Variants in SET observed in about 807,000 individuals in gnomAD.
SET encodes protein SET.
SET carries 4 observed loss-of-function variants against 39.0 expected under a neutral mutation model. That is an observed-to-expected ratio of 0.10 (90% CI 0.05 to 0.23). The LOEUF is 0.23. Ranked by LOEUF, SET falls within the 10% of genes least tolerant of loss-of-function variation. SET has a pLI of 1.00. For missense variants in SET, 137 were observed against 329.7 expected (o/e 0.42, Z 4.53); for synonymous variants, 114 against 115.9 (o/e 0.98, Z 0.11).
intron 1 of SET, chr9:128,690,957 T>G (rs1437700442): frequency 1.6e-6 from 1 of 616,818 alleles, no homozygotes; most frequent in African/African-American, 1.9e-5. Flanking sequence ...AAAACCAATT[T>G]CTGAGTAAAC....
rs1394107968 is a variant in SET at position 128,689,427 on chromosome 9, C to T, written c.-156C>T. The T allele has an allele frequency of 3.9e-6, 2 of 510,442 alleles. No homozygotes were observed. The highest frequency in any genetic ancestry group is 5.8e-5 in the Admixed American group (1 of 17,366). The allele number at this position is 510,442 out of a possible 1,614,324, so 31.6% of individuals were successfully genotyped here. On this transcript the variant is annotated 5_prime_UTR_variant, in exon 1 of 8. Transcript: ENST00000322030. ...AGGCCGCGAGGGTAGCGCGCGCGAG[C>T]GAGCGAGGGGGAGGGAGAGCGAGCG...
At chr9:128,690,008 C>A in intron 1 of SET, 1 of 1,022,684 alleles carries the variant, frequency 9.8e-7, no homozygotes, top group Non-Finnish European at 1.2e-6. Context: ...CTCCCATCAG[C>A]CGCCGCCGCC....
Position 128,695,368 on chromosome 9 carries a change from G to A in SET, c.*704G>A. 4.4e-6 allele frequency: 1 copy of A among 225,152 alleles called. No homozygotes were observed. Among genetic ancestry groups the A allele is most frequent in the Non-Finnish European group, 9.2e-6 (1 of 108,560 alleles). The allele number at this position is 225,152 out of a possible 1,614,324, so 13.9% of individuals were successfully genotyped here. ...CTGCCACTCAATGGGAGAATCAGCA[G>A]AACCTGTAGGATCTTATTTGGAATT... is the stretch of plus-strand genomic sequence containing the variant. On this transcript the variant is annotated 3_prime_UTR_variant, in exon 8 of 8. Coordinates refer to ENST00000322030, the MANE Select transcript of SET (RefSeq NM_003011.4).
intron 1 of SET, 27 bp from the exon 2 acceptor site, chr9:128,691,143 A>G (rs1470464605): frequency 1.3e-6 from 2 of 1,568,056 alleles, no homozygotes; most frequent in Admixed American, 1.7e-5. Flanking sequence ...TTATCTTAGA[A>G]TTAAGTTTTT....
Position 128,689,502 on chromosome 9 carries a change from T to A in SET, c.-81T>A. On this transcript the variant is annotated 5_prime_UTR_variant, in exon 1 of 8. Coordinates refer to ENST00000322030, the MANE Select transcript of SET (RefSeq NM_003011.4). ...CGAGCGGGCGCCCGCGCGTGTGGCG[T>A]GAGGGGAAGCCGCTTGCCCGCCCCC... 1.4e-6 allele frequency: 1 copy of A among 691,992 alleles called. No individual in the cohort carries two copies. Among genetic ancestry groups the A allele is most frequent in the Non-Finnish European group, 2.0e-6 (1 of 496,740 alleles). The allele number at this position is 691,992 out of a possible 1,614,324, so 42.9% of individuals were successfully genotyped here.
upstream of SET, chr9:128,685,023 G>T (rs1861237837): frequency 6.8e-7 from 1 of 1,479,364 alleles, no homozygotes; most frequent in Non-Finnish European, 9.0e-7. Flanking sequence ...GTGTGGATAG[G>T]CCCAGGGCCT....
At position 128,684,141 on chromosome 9, in the gene SET, A is replaced by C; in HGVS notation, c.112+134A>C. On this transcript the variant is annotated intron_variant, in intron 1 of 7. Transcript: ENST00000372692. The stretch of plus-strand genomic sequence containing the variant: ...AAGGGTTTTAAACCTGGGATGGTGG[A>C]TTAAGTTTGCGTGAAGAACCAGAAG... 8.7e-6 allele frequency: 6 copies of C among 691,804 alleles called. No individual in the cohort carries two copies. The South Asian group carries it at 1.1e-4, about 13-fold the overall frequency. 42.9% of individuals were successfully genotyped at this position (691,804 alleles called of 1,614,324 possible).
At chr9:128,687,614 C>T (rs563333504), upstream of SET, among the ~76,000 whole-genome samples, 18 of 77,982 alleles carry the variant, frequency 2.3e-4, no homozygotes, top group African/African-American at 6.6e-4. Context: ...TCCCCTCCCC[C>T]ACCAAAAAAA....
upstream of SET, among the ~76,000 whole-genome samples, chr9:128,686,265 A>G (rs529796538): frequency 4.1e-4 from 63 of 151,904 alleles, no homozygotes; most frequent in Admixed American, 6.6e-4. Context: ...GTGTGCTCAT[A>G]TTTATCTTGA....
chr9:128,694,097 T>G, intron 7 of SET, 55 bp downstream of exon 7: 2 of 1,334,456 alleles, frequency 1.5e-6, no homozygotes, highest in South Asian at 2.9e-5. Context: ...ATTCATGTTA[T>G]TTTGGGGTGT....
intron 1 of SET, chr9:128,684,051 C>T (rs764797333): frequency 1.2e-4 from 176 of 1,422,064 alleles, no homozygotes; most frequent in Non-Finnish European, 1.6e-4. Flanking sequence ...AAGGGATTTG[C>T]AAGGATTGAC....
rs1861407126 is a variant in SET at position 128,689,314 on chromosome 9, C to T, written c.-269C>T. 5 of 1,028,796 alleles carry T rather than the reference C, an allele frequency of 4.9e-6. No homozygotes were observed. The highest frequency in any genetic ancestry group is 8.9e-5 in the South Asian group (2 of 22,528). The allele number at this position is 1,028,796 out of a possible 1,614,324, so 63.7% of individuals were successfully genotyped here. A position where few individuals can be genotyped will look rare whatever the true frequency, so the allele number is the denominator to read the frequency against. On this transcript the variant is annotated 5_prime_UTR_variant, in exon 1 of 8. Coordinates refer to ENST00000322030, the MANE Select transcript of SET (RefSeq NM_003011.4). ...CCGAGCGCGAGTGAGGGAGCCGAGC[C>T]GCCCGCCGCCGCCGCCTCCGCCTCC...
chr9:128,689,680 GGCCCGCGCCGCCATCTTCGCC>G, intron 1 of SET, 25 bp downstream of exon 1: 1 of 857,106 alleles, frequency 1.2e-6, no homozygotes. Context: ...CCCGGGGGCC[GGCCCGCGCCGCCATCTTCGCC>G]GCCCGCCCCG....
chr9:128,690,532 A>T (rs1265449631), intron 1 of SET: 1 of 153,406 alleles, frequency 6.5e-6, no homozygotes, highest in East Asian at 1.9e-4. Flanking sequence ...TTCCGATCTC[A>T]TAGTTGCTCC....
intron 1 of SET, chr9:128,684,053 A>G: frequency 7.0e-7 from 1 of 1,427,474 alleles, no homozygotes; most frequent in Non-Finnish European, 9.7e-7. Flanking sequence ...GGGATTTGCA[A>G]GGATTGACTC....
rs543537317 is a variant in SET, at chr9:128,694,103, G to GGT, written c.810+64_810+65dup. On this transcript the variant is annotated intron_variant, in intron 7 of 7. Coordinates refer to ENST00000322030, the MANE Select transcript of SET (RefSeq NM_003011.4). ...TTTTAAAGAATTCATGTTATTTTGG[G>GGT]GTGTATATATATATATATAGTGTGG... 5.7e-3 allele frequency: 6,766 copies of GGT among 1,181,144 alleles called. 46 individuals carry two copies. In the East Asian group the frequency reaches 0.063, roughly 11 times the overall value. 73.2% of individuals were successfully genotyped at this position (1,181,144 alleles called of 1,614,324 possible).
Position 128,693,879 on chromosome 9 carries a change from G to C in SET, c.664-17G>C, listed in dbSNP as rs762490026. 25 of 1,590,438 alleles carry C rather than the reference G, an allele frequency of 1.6e-5. No homozygotes were observed. Among genetic ancestry groups the C allele is most frequent in the South Asian group, 9.2e-5 (8 of 86,588 alleles). Reference sequence around the variant, plus strand: ...GTTTAAAAATGAGTCCTTATATTGTGCTTTTTTTTTTTTAAGGTTCCCGAT... The same window carrying C: ...GTTTAAAAATGAGTCCTTATATTGTCCTTTTTTTTTTTTAAGGTTCCCGAT... On this transcript the variant is annotated splice_polypyrimidine_tract_variant and intron_variant, in intron 6 of 7. Transcript: ENST00000322030.
Position 128,689,257 on chromosome 9 carries a change from T to C in SET, c.-326T>C. 2.0e-6 allele frequency: 2 copies of C among 1,003,284 alleles called. No homozygotes were observed. The highest frequency in any genetic ancestry group is 2.4e-6 in the Non-Finnish European group (2 of 841,496). The allele number at this position is 1,003,284 out of a possible 1,614,324, so 62.1% of individuals were successfully genotyped here. A position where few individuals can be genotyped will look rare whatever the true frequency, so the allele number is the denominator to read the frequency against. On this transcript the variant is annotated 5_prime_UTR_variant, in exon 1 of 8. Coordinates refer to ENST00000322030, the MANE Select transcript of SET (RefSeq NM_003011.4). ...AGGAGGAGGTGGAGGAGGAGGCGGC[T>C]CGGGAGAGCGAGCAGCGAGCTGGCT...
At chr9:128,687,532 C>G (rs1861325844), upstream of SET, among the ~76,000 whole-genome samples, 1 of 150,742 alleles carries the variant, frequency 6.6e-6, no homozygotes, top group South Asian at 2.1e-4. Flanking sequence ...CACTTGAACC[C>G]GGGAGGCGGA....
Sources: gnomAD v4.1 joint callset for allele counts (sites outside exome capture counted in the v4.1 genomes callset) on GRCh38, gnomAD v4.1.1 for gene constraint, MANE v1.5 for transcripts, NCBI Gene and HGNC (gene_info 2026-07-23, HGNC 2026-07-21) for gene names.